The following ZBTB20 variants were observed in gnomAD, a reference collection of about 807,000 sequenced individuals.
ZBTB20 encodes zinc finger and BTB domain-containing protein 20.
In ZBTB20, 9 loss-of-function variants were observed where a neutral mutation model predicts 56.9. That is an observed-to-expected ratio of 0.16 (90% CI 0.10 to 0.28). The LOEUF (loss-of-function observed/expected upper bound fraction) is 0.28. Ranked by LOEUF, ZBTB20 falls within the 10% of genes least tolerant of loss-of-function variation. The probability of loss-of-function intolerance (pLI) is 1.00; values close to 1 mark genes in which losing one functional copy is unlikely to be tolerated. For synonymous variants in ZBTB20, 417 were observed against 420.7 expected, an observed-to-expected ratio of 0.99 and a Z score of 0.11; for missense variants, 655 against 1,003.0, an observed-to-expected ratio of 0.65 and a Z score of 4.69.
chr3:114,922,279 A>G (rs1191842246), intron 3 of ZBTB20, among the ~76,000 whole-genome samples: 2 of 152,198 alleles, frequency 1.3e-5, no homozygotes, highest in East Asian at 1.9e-4. Context: ...ATGAAAAAGC[A>G]TACTCACTCT....
Position 114,998,374 on chromosome 3 carries a change from A to G in ZBTB20, c.-506-23958T>C, listed in dbSNP as rs144910828. 7.0e-4 allele frequency among the ~76,000 whole-genome samples: 107 copies of G among 151,916 alleles called. No individual in the cohort carries two copies. The East Asian group carries it at 0.017, about 24-fold the overall frequency. ...TCACAAAAGAATTTGTGACCTCTTT[A>G]TATGCCTGACCTTCTGAAACCTCTG... On this transcript the variant is annotated intron_variant, in intron 2 of 11. Coordinates refer to ENST00000675478, the MANE Select transcript of ZBTB20 (RefSeq NM_001348800.3).
At chr3:114,352,039 A>G in intron 10 of ZBTB20, 161 bp from the exon 11 acceptor site, 1 of 909,628 alleles carries the variant, frequency 1.1e-6, no homozygotes. Flanking sequence ...TACAAGCTGT[A>G]GGTACGATGA....
At chr3:114,361,626 T>C (rs1313461470) in intron 10 of ZBTB20, among the ~76,000 whole-genome samples, 1 of 152,220 alleles carries the variant, frequency 6.6e-6, no homozygotes, top group Non-Finnish European at 1.5e-5. Context: ...TTTCCTAATG[T>C]CTGTTCTCTA....
At chr3:114,496,086 C>T (rs1310175004) in intron 7 of ZBTB20, among the ~76,000 whole-genome samples, 2 of 152,082 alleles carry the variant, frequency 1.3e-5, no homozygotes, top group African/African-American at 4.8e-5. Flanking sequence ...GAGTGGTTTC[C>T]ACAGAGATGT....
At chr3:114,532,429 C>T (rs2047955624) in intron 6 of ZBTB20, among the ~76,000 whole-genome samples, 1 of 152,170 alleles carries the variant, frequency 6.6e-6, no homozygotes, top group South Asian at 2.1e-4. Context: ...AGAAAGACTG[C>T]CTCTCTAGAT....
intron 7 of ZBTB20, among the ~76,000 whole-genome samples, chr3:114,453,218 C>A (rs79024381): frequency 3.3e-5 from 5 of 152,064 alleles, no homozygotes; most frequent in African/African-American, 4.8e-5. Context: ...CACAAAGCTA[C>A]GTGGCAATCA....
intron 7 of ZBTB20, among the ~76,000 whole-genome samples, chr3:114,468,789 G>A (rs981486524): frequency 5.3e-5 from 8 of 151,878 alleles, no homozygotes; most frequent in Admixed American, 2.0e-4. Flanking sequence ...TTAATACAAC[G>A]ACCACAAGCA....
intron 1 of ZBTB20, among the ~76,000 whole-genome samples, chr3:115,101,889 A>T (rs1576780498): frequency 6.7e-6 from 1 of 150,330 alleles, no homozygotes; most frequent in South Asian, 2.1e-4. Context: ...TCTTTTGTTT[A>T]AAAAAAATCA....
chr3:114,724,714 C>G (rs1399629736), intron 5 of ZBTB20, among the ~76,000 whole-genome samples: 1 of 152,054 alleles, frequency 6.6e-6, no homozygotes, highest in African/African-American at 2.4e-5. Context: ...TAAATTAAGT[C>G]TATTGAAGGA....
intron 7 of ZBTB20, among the ~76,000 whole-genome samples, chr3:114,495,822 A>C (rs573572345): frequency 1.3e-5 from 2 of 152,372 alleles, no homozygotes; most frequent in African/African-American, 4.8e-5. Flanking sequence ...TATTCAACCT[A>C]AATGCATAAA....
chr3:114,878,657 G>C (rs188127457), intron 4 of ZBTB20, among the ~76,000 whole-genome samples: 1 of 151,784 alleles, frequency 6.6e-6, no homozygotes, highest in African/African-American at 2.4e-5. Flanking sequence ...TCTGTGATAC[G>C]GGGTGAGTCA....
At chr3:115,048,096 G>A (rs1305085554) in intron 2 of ZBTB20, among the ~76,000 whole-genome samples, 1 of 151,996 alleles carries the variant, frequency 6.6e-6, no homozygotes, top group African/African-American at 2.4e-5. Context: ...GTGGTGGCGG[G>A]CGCCTGTGGT....
chr3:114,409,351 G>A (rs2087699425), intron 7 of ZBTB20, among the ~76,000 whole-genome samples: 1 of 151,988 alleles, frequency 6.6e-6, no homozygotes, highest in Non-Finnish European at 1.5e-5. Context: ...TAGATTAAAA[G>A]AGCAATTTTC....
chr3:114,400,759 C>G (rs944675286), intron 7 of ZBTB20, among the ~76,000 whole-genome samples: 4 of 152,056 alleles, frequency 2.6e-5, no homozygotes, highest in Non-Finnish European at 4.4e-5. Flanking sequence ...CTGTACACAG[C>G]TCCAGCCCAC....
chr3:114,412,624 C>G (rs145772336), intron 7 of ZBTB20, among the ~76,000 whole-genome samples: 7 of 152,202 alleles, frequency 4.6e-5, no homozygotes, highest in African/African-American at 1.7e-4. Flanking sequence ...AGCACAGAGG[C>G]AAGCAGTTTT....
chr3:115,093,628 T>A (rs2083278663), intron 1 of ZBTB20, among the ~76,000 whole-genome samples: 1 of 152,186 alleles, frequency 6.6e-6, no homozygotes, highest in African/African-American at 2.4e-5. Flanking sequence ...TAATTCAGCA[T>A]GTGATGCTGT....
intron 1 of ZBTB20, among the ~76,000 whole-genome samples, chr3:115,127,322 G>C (rs1389769378): frequency 6.6e-6 from 1 of 152,200 alleles, no homozygotes; most frequent in Non-Finnish European, 1.5e-5. Context: ...AGGTGTGGTA[G>C]CTCACATTTG....
At chr3:114,968,287 G>A (rs577560801) in intron 3 of ZBTB20, among the ~76,000 whole-genome samples, 1 of 152,264 alleles carries the variant, frequency 6.6e-6, no homozygotes, top group Admixed American at 6.5e-5. Flanking sequence ...ATGTCAAACT[G>A]TGAACCAAAA....
At chr3:114,404,797 C>T (rs918591646) in intron 7 of ZBTB20, among the ~76,000 whole-genome samples, 21 of 152,134 alleles carry the variant, frequency 1.4e-4, no homozygotes, top group Non-Finnish European at 2.9e-5. Context: ...CGCTCTTTTC[C>T]ATCTGTGCCC....
Sources: gnomAD v4.1 joint callset for allele counts (sites outside exome capture counted in the v4.1 genomes callset) on GRCh38, gnomAD v4.1.1 for gene constraint, MANE v1.5 for transcripts, NCBI Gene and HGNC (gene_info 2026-07-23, HGNC 2026-07-21) for gene names.